The following FMNL2 variants were observed in gnomAD, a reference collection of about 807,000 sequenced individuals.
FMNL2 encodes formin like 2.
A neutral mutation model predicts 130.2 loss-of-function variants in FMNL2; 51 were observed. The observed-to-expected ratio is 0.39, with a 90% confidence interval of 0.31 to 0.49. The LOEUF (loss-of-function observed/expected upper bound fraction) is 0.49, where lower values mean the gene tolerates loss of function less well. Ranked by LOEUF, FMNL2 falls within the 20% of genes least tolerant of loss-of-function variation. The pLI is 0.85. For missense variants in FMNL2, 977 were observed against 1,316.2 expected, an observed-to-expected ratio of 0.74 and a Z score of 3.99; for synonymous variants, 465 against 467.1, an observed-to-expected ratio of 1.00 and a Z score of 0.06.
In FMNL2 at chr2:152,547,762, G is replaced by A. The variant is rs575041157; in HGVS notation, c.283-1259G>A. Among the ~76,000 whole-genome samples, 6 of 152,294 alleles carry A rather than the reference G, an allele frequency of 3.9e-5. No individual in the cohort carries two copies. The South Asian group carries it at 1.2e-3, about 32-fold the overall frequency. On this transcript the variant is annotated intron_variant, in intron 3 of 25. Transcript: ENST00000288670. Reference sequence around the variant, plus strand: ...GTCTGCTGCAATTGTGGCAGCAGAGGAGAGAGGTCCTTTATATCCTGAGCC... The same window carrying A: ...GTCTGCTGCAATTGTGGCAGCAGAGAAGAGAGGTCCTTTATATCCTGAGCC...
At chr2:152,383,757 C>G (rs1435023242) in intron 1 of FMNL2, among the ~76,000 whole-genome samples, 2 of 152,112 alleles carry the variant, frequency 1.3e-5, no homozygotes, top group Non-Finnish European at 2.9e-5. Context: ...CATCCCCAAA[C>G]TTAGAGGAAA....
At chr2:152,579,001 C>T (rs1696629672) in intron 8 of FMNL2, 37 bp downstream of exon 8, 2 of 1,543,494 alleles carry the variant, frequency 1.3e-6, no homozygotes. Flanking sequence ...CTAAATCTAT[C>T]TAGAGAAAAC....
rs74362456 is a variant in FMNL2 at position 152,603,291 on chromosome 2, C to T, written c.877-4048C>T. Among the ~76,000 whole-genome samples the T allele has an allele frequency of 4.6e-5, 7 of 151,954 alleles. No individual in the cohort carries two copies. The East Asian group carries it at 1.2e-3, about 25-fold the overall frequency. On this transcript the variant is annotated intron_variant, in intron 9 of 25. Coordinates refer to ENST00000288670, the MANE Select transcript of FMNL2 (RefSeq NM_052905.4). The stretch of plus-strand genomic sequence containing the variant: ...ACCATGGAGAGTGGTCACTCTGTTG[C>T]TTTCAAGGTTTCCCAAAGCCGGCAT...
Position 152,649,726 on chromosome 2 carries a change from C to T in FMNL2, c.*1821C>T, listed in dbSNP as rs943270878. 3 of 152,578 alleles carry T rather than the reference C, an allele frequency of 2.0e-5. No homozygotes were observed. Among genetic ancestry groups the T allele is most frequent in the African/African-American group, 7.2e-5 (3 of 41,418 alleles). 9.5% of individuals were successfully genotyped at this position (152,578 alleles called of 1,614,324 possible). A position where few individuals can be genotyped will look rare whatever the true frequency, so the allele number is the denominator to read the frequency against. ...CTTTTCTGTTTGTCTATTAATGGGC[C>T]TGCTTCTTAGCAATATTAGAATGTT... On this transcript the variant is annotated 3_prime_UTR_variant, in exon 26 of 26. Coordinates refer to ENST00000288670, the MANE Select transcript of FMNL2 (RefSeq NM_052905.4).
At chr2:152,533,495 A>G (rs886273987) in intron 2 of FMNL2, among the ~76,000 whole-genome samples, 8 of 144,570 alleles carry the variant, frequency 5.5e-5, no homozygotes, top group African/African-American at 1.0e-4. Flanking sequence ...TTACGCCAAT[A>G]TGTCTCTGGT....
chr2:152,492,019 ATCATT>A (rs1691235956), intron 1 of FMNL2, among the ~76,000 whole-genome samples: 1 of 152,242 alleles, frequency 6.6e-6, no homozygotes, highest in Non-Finnish European at 1.5e-5. Flanking sequence ...ATACATTTTA[ATCATT>A]TATGTACTAT....
chr2:152,562,569 T>A (rs994126914), intron 6 of FMNL2, among the ~76,000 whole-genome samples: 1 of 152,236 alleles, frequency 6.6e-6, no homozygotes, highest in African/African-American at 2.4e-5. Context: ...TAGATTTTCC[T>A]TGTTTAGAAC....
At chr2:152,573,672 A>T (rs1432850693) in intron 6 of FMNL2, among the ~76,000 whole-genome samples, 1 of 152,232 alleles carries the variant, frequency 6.6e-6, no homozygotes, top group Non-Finnish European at 1.5e-5. Flanking sequence ...ATACAAGTTC[A>T]GATACTACCT....
At chr2:152,358,672 A>G (rs1682985098) in intron 1 of FMNL2, among the ~76,000 whole-genome samples, 1 of 135,826 alleles carries the variant, frequency 7.4e-6, no homozygotes, top group South Asian at 2.1e-4. Context: ...AACTTCCTTC[A>G]TGTATACATA....
intron 1 of FMNL2, among the ~76,000 whole-genome samples, chr2:152,391,564 G>A (rs1427982467): frequency 1.3e-5 from 2 of 151,858 alleles, no homozygotes; most frequent in Non-Finnish European, 2.9e-5. Context: ...GTGTGCCAGG[G>A]GTGGCAAGTT....
intron 1 of FMNL2, among the ~76,000 whole-genome samples, chr2:152,379,416 A>G (rs1162864761): frequency 6.6e-6 from 1 of 152,118 alleles, no homozygotes; most frequent in Non-Finnish European, 1.5e-5. Flanking sequence ...TTTATTTTCA[A>G]ATTGTATTAT....
At chr2:152,374,238 A>G (rs1465949109) in intron 1 of FMNL2, among the ~76,000 whole-genome samples, 1 of 152,194 alleles carries the variant, frequency 6.6e-6, no homozygotes, top group Non-Finnish European at 1.5e-5. Flanking sequence ...CAAATTCCAA[A>G]GTGGAAGAAT....
intron 4 of FMNL2, among the ~76,000 whole-genome samples, chr2:152,549,931 T>C (rs1229882306): frequency 1.3e-5 from 2 of 152,222 alleles, no homozygotes; most frequent in African/African-American, 2.4e-5. Context: ...TTTAGATCTT[T>C]TAGAATTTTC....
chr2:152,515,318 A>G (rs1158339672), intron 1 of FMNL2, among the ~76,000 whole-genome samples: 1 of 152,044 alleles, frequency 6.6e-6, no homozygotes, highest in East Asian at 1.9e-4. Context: ...TGAGTTTACC[A>G]TGTATTTGTA....
intron 6 of FMNL2, among the ~76,000 whole-genome samples, chr2:152,564,547 C>A (rs528745225): frequency 1.3e-3 from 205 of 152,230 alleles, no homozygotes; most frequent in Non-Finnish European, 2.2e-3. Context: ...CATGGTGAAA[C>A]TCTGTCTCTA....
intron 1 of FMNL2, among the ~76,000 whole-genome samples, chr2:152,458,422 C>T (rs1579713522): frequency 6.6e-6 from 1 of 152,318 alleles, no homozygotes; most frequent in African/African-American, 2.4e-5. Flanking sequence ...GTTCTGTTGA[C>T]TGCACATTTC....
intron 1 of FMNL2, among the ~76,000 whole-genome samples, chr2:152,446,683 A>G (rs1688354941): frequency 1.3e-5 from 2 of 152,232 alleles, no homozygotes; most frequent in Admixed American, 1.3e-4. Flanking sequence ...AATGGAAGAG[A>G]ATAGCAATTG....
intron 1 of FMNL2, among the ~76,000 whole-genome samples, chr2:152,375,792 A>AT (rs1465654351): frequency 3.4e-5 from 5 of 146,422 alleles, no homozygotes; most frequent in African/African-American, 1.3e-4. Context: ...GAGTTTTCTT[A>AT]TTTTTTTAAA....
intron 21 of FMNL2, among the ~76,000 whole-genome samples, chr2:152,635,358 C>G (rs1682503870): frequency 6.6e-6 from 1 of 152,160 alleles, no homozygotes; most frequent in South Asian, 2.1e-4. Flanking sequence ...AATGCATTGC[C>G]AAATGCATTG....
Sources: gnomAD v4.1 joint callset for allele counts (sites outside exome capture counted in the v4.1 genomes callset) on GRCh38, gnomAD v4.1.1 for gene constraint, MANE v1.5 for transcripts, NCBI Gene and HGNC (gene_info 2026-07-23, HGNC 2026-07-21) for gene names.